Variants in FXR1 observed in about 807,000 individuals in gnomAD.
FXR1 encodes RNA-binding protein FXR1.
A neutral mutation model predicts 84.0 loss-of-function variants in FXR1; 15 were observed. That is an observed-to-expected ratio of 0.18 (90% CI 0.12 to 0.27). The LOEUF (loss-of-function observed/expected upper bound fraction) is 0.27. Ranked by LOEUF, FXR1 falls within the 10% of genes least tolerant of loss-of-function variation. The probability of loss-of-function intolerance (pLI) is 1.00; values close to 1 mark genes in which losing one functional copy is unlikely to be tolerated. For missense variants in FXR1, 480 were observed against 774.4 expected (o/e 0.62, Z 4.51); for synonymous variants, 245 against 250.7 (o/e 0.98, Z 0.21).
At chr3:180,922,011 G>T (rs1485615073) in intron 1 of FXR1, among the ~76,000 whole-genome samples, 1 of 152,072 alleles carries the variant, frequency 6.6e-6, no homozygotes, top group Non-Finnish European at 1.5e-5. Context: ...ATAAAAATAG[G>T]ATCATCCACA....
chr3:180,956,197 C>G (rs1410302353), intron 9 of FXR1, among the ~76,000 whole-genome samples: 1 of 152,158 alleles, frequency 6.6e-6, no homozygotes, highest in Non-Finnish European at 1.5e-5. Context: ...TCCCACCCCT[C>G]CCAAATCAAA....
At chr3:180,938,321 A>T (rs939930904) in intron 3 of FXR1, among the ~76,000 whole-genome samples, 21 of 152,194 alleles carry the variant, frequency 1.4e-4, no homozygotes, top group African/African-American at 5.1e-4. Flanking sequence ...TATCTTTTTC[A>T]TACATTAAGT....
intron 3 of FXR1, among the ~76,000 whole-genome samples, chr3:180,945,894 TA>T (rs1721643579): frequency 2.3e-5 from 2 of 88,252 alleles, no homozygotes; most frequent in Non-Finnish European, 4.8e-5. Context: ...GTTTGAGAAA[TA>T]CATCGTTTGA....
At chr3:180,962,782 T>C in intron 11 of FXR1, 101 bp from the exon 12 acceptor site, 2 of 756,114 alleles carry the variant, frequency 2.6e-6, no homozygotes, top group South Asian at 3.4e-5. Flanking sequence ...TCTAATTGCC[T>C]AAGGTCACAG....
intron 1 of FXR1, among the ~76,000 whole-genome samples, chr3:180,924,665 T>A (rs1718959536): frequency 6.6e-6 from 1 of 152,008 alleles, no homozygotes; most frequent in African/African-American, 2.4e-5. Flanking sequence ...CCAATTTTTG[T>A]ATTTTTAGTA....
intron 11 of FXR1, among the ~76,000 whole-genome samples, chr3:180,961,950 A>T (rs745758883): frequency 4.6e-4 from 70 of 152,312 alleles, no homozygotes; most frequent in South Asian, 1.4e-3. Flanking sequence ...ACCAGGAGTG[A>T]CATTGGGCTT....
At chr3:180,913,419 A>G (rs948873679) in intron 1 of FXR1, among the ~76,000 whole-genome samples, 1 of 152,152 alleles carries the variant, frequency 6.6e-6, no homozygotes, top group Non-Finnish European at 1.5e-5. Flanking sequence ...TGTGAGCTTT[A>G]AAGTAAGATT....
At chr3:180,929,986 C>G (rs1006766399) in intron 1 of FXR1, among the ~76,000 whole-genome samples, 1 of 152,150 alleles carries the variant, frequency 6.6e-6, no homozygotes, top group East Asian at 1.9e-4. Context: ...GCTCAAGGGC[C>G]GGGGCGTGGT....
At chr3:180,923,838 C>T (rs1266182306) in intron 1 of FXR1, among the ~76,000 whole-genome samples, 2 of 151,964 alleles carry the variant, frequency 1.3e-5, no homozygotes, top group Non-Finnish European at 2.9e-5. Context: ...TGATCTTCCC[C>T]GCTCAGTCTC....
At chr3:180,921,373 A>G (rs1002736208) in intron 1 of FXR1, among the ~76,000 whole-genome samples, 2 of 82,518 alleles carry the variant, frequency 2.4e-5, no homozygotes, top group African/African-American at 4.6e-5. Context: ...AACTCCATCT[A>G]AAAAAAAAAA....
chr3:180,967,980 G>T, intron 13 of FXR1, 71 bp from the exon 14 acceptor site: 1 of 938,768 alleles, frequency 1.1e-6, no homozygotes. Flanking sequence ...TAATTTGTAG[G>T]ACATAATTTT....
chr3:180,930,902 T>C (rs1719806966), intron 1 of FXR1, among the ~76,000 whole-genome samples: 1 of 150,740 alleles, frequency 6.6e-6, no homozygotes, highest in African/African-American at 2.4e-5. Context: ...CTGGGTGTGG[T>C]GGTGTAGTCC....
intron 1 of FXR1, among the ~76,000 whole-genome samples, chr3:180,928,238 A>G (rs1286018882): frequency 6.6e-6 from 1 of 151,864 alleles, no homozygotes; most frequent in Non-Finnish European, 1.5e-5. Flanking sequence ...AAATTCCTAA[A>G]CGACTTTAGG....
chr3:180,924,637 A>G (rs544172476), intron 1 of FXR1, among the ~76,000 whole-genome samples: 13 of 152,098 alleles, frequency 8.5e-5, no homozygotes, highest in Admixed American at 2.0e-4. Flanking sequence ...TAGATTTGGG[A>G]AATTAGTGGA....
At chr3:180,923,021 T>G (rs1421763314) in intron 1 of FXR1, among the ~76,000 whole-genome samples, 1 of 152,238 alleles carries the variant, frequency 6.6e-6, no homozygotes, top group African/African-American at 2.4e-5. Flanking sequence ...CCAGTCCTGG[T>G]TAAGACAGTC....
intron 3 of FXR1, among the ~76,000 whole-genome samples, chr3:180,936,265 TTTTAC>T (rs1018221492): frequency 6.6e-6 from 1 of 152,122 alleles, no homozygotes; most frequent in African/African-American, 2.4e-5. Context: ...GCCAATTTTA[TTTTAC>T]TTTATTTTAT....
At chr3:180,925,553 G>A (rs991791104) in intron 1 of FXR1, among the ~76,000 whole-genome samples, 14 of 152,126 alleles carry the variant, frequency 9.2e-5, no homozygotes, top group African/African-American at 3.4e-4. Flanking sequence ...ATGCTCAGGG[G>A]TTACCATCAG....
rs1280345710 is a variant in FXR1 at position 180,982,235 on chromosome 3, T to G, written c.*5943T>G. Reference sequence around the variant, plus strand: ...GGAAGAATACTTAGCACAGTGCTAGTACACTGTAAGTACTCAAATGTTACA... The same window carrying G: ...GGAAGAATACTTAGCACAGTGCTAGGACACTGTAAGTACTCAAATGTTACA... On this transcript the variant is annotated 3_prime_UTR_variant, in exon 17 of 17. Transcript: ENST00000357559. The G allele has an allele frequency of 1.3e-5, 2 of 152,072 alleles. No homozygotes were observed. Among genetic ancestry groups the G allele is most frequent in the East Asian group, 1.9e-4 (1 of 5,204 alleles). The allele number at this position is 152,072 out of a possible 1,614,324, so 9.4% of individuals were successfully genotyped here.
At chr3:180,919,830 C>T (rs866276746) in intron 1 of FXR1, among the ~76,000 whole-genome samples, 26 of 151,884 alleles carry the variant, frequency 1.7e-4, no homozygotes, top group Admixed American at 1.5e-3. Context: ...CCAGCCACCA[C>T]GCCCGGCTGA....
Sources: allele counts gnomAD v4.1 joint callset (sites outside exome capture counted in the v4.1 genomes callset), GRCh38; gene constraint gnomAD v4.1.1; transcripts MANE v1.5; gene names NCBI Gene and HGNC (gene_info 2026-07-23, HGNC 2026-07-21).